ASAP1: variants seen among roughly 807,000 people sequenced by gnomAD.
ASAP1 encodes the protein ArfGAP with SH3 domain, ankyrin repeat and PH domain 1, also known as arf-GAP with SH3 domain, ANK repeat and PH domain-containing protein 1.
In ASAP1, 43 loss-of-function variants were observed where a neutral mutation model predicts 145.2. The observed-to-expected ratio is 0.30, with a 90% CI of 0.23 to 0.38. The LOEUF is 0.38. Among genes scored for constraint, ASAP1 ranks in the 10% least tolerant of loss-of-function variants. The pLI is 1.00. For synonymous variants in ASAP1, 546 were observed against 515.5 expected (o/e 1.06, Z -0.80); for missense variants, 1,018 against 1,355.3 (o/e 0.75, Z 3.91).
At chr8:130,287,796 G>A (rs546213502) in intron 3 of ASAP1, among the ~76,000 whole-genome samples, 58 of 152,270 alleles carry the variant, frequency 3.8e-4, no homozygotes, top group Non-Finnish European at 6.2e-4. Flanking sequence ...GGAACGCTCA[G>A]AGGGCTGTGT....
rs2097397405 is a variant in ASAP1, at chr8:130,053,540, G to T, written c.*1191C>A. 1 of 152,158 alleles carries T rather than the reference G, an allele frequency of 6.6e-6. No individual in the cohort carries two copies. Among genetic ancestry groups the T allele is most frequent in the Non-Finnish European group, 1.5e-5 (1 of 68,030 alleles). 9.4% of individuals were successfully genotyped at this position (152,158 alleles called of 1,614,324 possible). On this transcript the variant is annotated 3_prime_UTR_variant, in exon 30 of 30. Transcript: ENST00000518721. ...TGAAGGTGGACAGAGCTTAAGACTG[G>T]AAAAATTATCTATAATTGGGGTTTA...
intron 25 of ASAP1, among the ~76,000 whole-genome samples, chr8:130,088,656 A>G (rs2097499065): frequency 6.6e-6 from 1 of 152,172 alleles, no homozygotes; most frequent in Non-Finnish European, 1.5e-5. Flanking sequence ...CTGAAAGAAT[A>G]AATTTGTCAT....
At chr8:130,215,754 C>G (rs983035234) in intron 4 of ASAP1, among the ~76,000 whole-genome samples, 1 of 151,718 alleles carries the variant, frequency 6.6e-6, no homozygotes, top group Non-Finnish European at 1.5e-5. Flanking sequence ...AAAACAACAA[C>G]AACAACAACA....
At chr8:130,121,350 A>G (rs1242307522) in intron 18 of ASAP1, among the ~76,000 whole-genome samples, 2 of 152,162 alleles carry the variant, frequency 1.3e-5, no homozygotes, top group Non-Finnish European at 2.9e-5. Context: ...CAGCTGTCCT[A>G]TGTTTAGCAC....
intron 24 of ASAP1, among the ~76,000 whole-genome samples, chr8:130,109,748 A>G (rs1193505559): frequency 6.6e-6 from 1 of 152,226 alleles, no homozygotes; most frequent in Non-Finnish European, 1.5e-5. Context: ...TCCATTCTAA[A>G]CATTATCAGT....
rs1333837583 is a variant in ASAP1 at position 130,361,562 on chromosome 8, T to C, written c.60-3419A>G. On this transcript the variant is annotated intron_variant, in intron 2 of 29. Coordinates refer to ENST00000518721, the MANE Select transcript of ASAP1 (RefSeq NM_018482.4). ...TGTATCTGCTCCTCCCCCATCTCCT[T>C]TGGCCAAGAAAGGAATATGCTCACA... The C allele has an allele frequency of 8.2e-6, 7 of 848,974 alleles. No homozygotes were observed. In the African/African-American group the frequency reaches 1.0e-4, roughly 12 times the overall value. 52.6% of individuals were successfully genotyped at this position (848,974 alleles called of 1,614,324 possible). A position where few individuals can be genotyped will look rare whatever the true frequency, so the allele number is the denominator to read the frequency against.
At chr8:130,357,874 G>A (rs1235360494) in intron 3 of ASAP1, 143 bp downstream of exon 3, 3 of 1,156,528 alleles carry the variant, frequency 2.6e-6, no homozygotes, top group East Asian at 2.7e-5. Context: ...CCCGTCCGAA[G>A]TCCCTTATTC....
At chr8:130,303,946 G>GA (rs1455228036) in intron 3 of ASAP1, among the ~76,000 whole-genome samples, 1 of 152,070 alleles carries the variant, frequency 6.6e-6, no homozygotes, top group East Asian at 1.9e-4. Flanking sequence ...CATGGTTAAT[G>GA]AATCAGTATC....
chr8:130,241,094 C>T (rs148516132), intron 3 of ASAP1, among the ~76,000 whole-genome samples: 10 of 152,110 alleles, frequency 6.6e-5, no homozygotes, highest in African/African-American at 2.2e-4. Flanking sequence ...TTCTCAGAGA[C>T]GCGTATGAAT....
intron 24 of ASAP1, among the ~76,000 whole-genome samples, chr8:130,097,561 G>A (rs2097521137): frequency 6.6e-6 from 1 of 152,138 alleles, no homozygotes; most frequent in Non-Finnish European, 1.5e-5. Context: ...CCTTAGCCTC[G>A]GGGATGCCTC....
rs559317988 is a variant in ASAP1 at position 130,111,977 on chromosome 8, G to A, written c.2401+117C>T. ...CAAGCTGCTCCTGACAACACGATCC[G>A]CGCCACTCAAATGTACCTTGCAATT... On this transcript the variant is annotated intron_variant, in intron 24 of 29. Transcript: ENST00000518721. 53 of 980,284 alleles carry A rather than the reference G, an allele frequency of 5.4e-5. No homozygotes were observed. In the African/African-American group the frequency reaches 5.7e-4, roughly 10 times the overall value. The allele number at this position is 980,284 out of a possible 1,614,324, so 60.7% of individuals were successfully genotyped here.
At chr8:130,357,237 C>T (rs1027342632) in intron 3 of ASAP1, among the ~76,000 whole-genome samples, 1 of 151,684 alleles carries the variant, frequency 6.6e-6, no homozygotes, top group African/African-American at 2.4e-5. Context: ...CCTGAAGGGT[C>T]CAGGTAAGAG....
intron 1 of ASAP1, among the ~76,000 whole-genome samples, chr8:130,425,773 A>C (rs985195046): frequency 6.6e-6 from 1 of 152,212 alleles, no homozygotes; most frequent in Non-Finnish European, 1.5e-5. Flanking sequence ...TTAAGAAAGA[A>C]GACACATTCC....
chr8:130,162,027 T>C (rs897590509), intron 11 of ASAP1, among the ~76,000 whole-genome samples: 13 of 152,174 alleles, frequency 8.5e-5, no homozygotes, highest in African/African-American at 2.7e-4. Flanking sequence ...CTTGAACTCC[T>C]GGACACAAGC....
intron 18 of ASAP1, among the ~76,000 whole-genome samples, chr8:130,120,037 G>T (rs1268263297): frequency 6.6e-6 from 1 of 152,168 alleles, no homozygotes; most frequent in Non-Finnish European, 1.5e-5. Flanking sequence ...ATTTTGGGTT[G>T]GCAGTAAAAA....
chr8:130,410,433 T>C (rs1829216118), intron 1 of ASAP1, among the ~76,000 whole-genome samples: 2 of 152,076 alleles, frequency 1.3e-5, no homozygotes, highest in African/African-American at 4.8e-5. Context: ...CTCAAGTTTA[T>C]TCTATACTCG....
At chr8:130,228,671 A>AGG (rs1018852236) in intron 4 of ASAP1, among the ~76,000 whole-genome samples, 1 of 150,982 alleles carries the variant, frequency 6.6e-6, no homozygotes, top group Non-Finnish European at 1.5e-5. Context: ...ATCGCACTCC[A>AGG]GCCTGGGCAA....
chr8:130,097,119 T>G, intron 24 of ASAP1, among the ~76,000 whole-genome samples: 1 of 92,158 alleles, frequency 1.1e-5, no homozygotes, highest in Non-Finnish European at 1.9e-5. Flanking sequence ...GAGTGACAGT[T>G]AGTCTCCAAA....
Position 130,112,149 on chromosome 8 carries a change from C to T in ASAP1, c.2346G>A (p.Ser782=), listed in dbSNP as rs755270383. 17 of 1,613,962 alleles carry T rather than the reference C, an allele frequency of 1.1e-5. No individual in the cohort carries two copies. The highest frequency in any genetic ancestry group is 1.3e-5 in the African/African-American group (1 of 74,896). ...NQIFVSTSTD[S]PTSPTTEAPP... The stretch of plus-strand genomic sequence containing the variant: ...GAGCCTCCGTGGTTGGTGATGTGGG[C>T]GAGTCTGTGCTTGTGGAAACGAAGA... The change falls in exon 24 of 30, where the codon TCG becomes TCA. Residue 782 remains serine, a synonymous_variant. Transcript: ENST00000518721.
Sources: allele counts gnomAD v4.1 joint callset (sites outside exome capture counted in the v4.1 genomes callset), GRCh38; gene constraint gnomAD v4.1.1; transcripts MANE v1.5; gene names NCBI Gene and HGNC (gene_info 2026-07-23, HGNC 2026-07-21).